Variants in UBE2E2 observed in about 807,000 individuals in gnomAD.
The protein encoded by UBE2E2 is ubiquitin-conjugating enzyme E2 E2.
Under a neutral mutation model 24.7 loss-of-function variants are expected in UBE2E2, and 6 were observed. That is an observed-to-expected ratio of 0.24 (90% CI 0.13 to 0.48). The LOEUF is 0.48. Among genes scored for constraint, UBE2E2 ranks in the 20% least tolerant of loss-of-function variants. UBE2E2 has a pLI of 0.99. For missense variants in UBE2E2, 169 were observed against 245.0 expected (o/e 0.69, Z 2.07); for synonymous variants, 104 against 83.6 (o/e 1.24, Z -1.33).
chr3:23,314,248 C>T (rs1032904908), intron 3 of UBE2E2, among the ~76,000 whole-genome samples: 3 of 152,156 alleles, frequency 2.0e-5, no homozygotes, highest in Non-Finnish European at 4.4e-5. Flanking sequence ...CCCACCTCAG[C>T]CTCCTGAGTA....
intron 3 of UBE2E2, among the ~76,000 whole-genome samples, chr3:23,393,448 G>T (rs1697000845): frequency 6.6e-6 from 1 of 152,166 alleles, no homozygotes; most frequent in South Asian, 2.1e-4. Context: ...TATCACCTGG[G>T]TGCTTGTTAG....
intron 3 of UBE2E2, among the ~76,000 whole-genome samples, chr3:23,230,460 G>T (rs972817022): frequency 1.3e-5 from 2 of 152,132 alleles, no homozygotes; most frequent in Admixed American, 6.5e-5. Context: ...AAGGAAAATT[G>T]GGAGTTCTTA....
intron 2 of UBE2E2, among the ~76,000 whole-genome samples, chr3:23,212,203 CA>C (rs1696346395): frequency 6.6e-6 from 1 of 152,026 alleles, no homozygotes; most frequent in African/African-American, 2.4e-5. Context: ...GGTATTTAAA[CA>C]GCAGTAGAAA....
In UBE2E2 at chr3:23,526,656, C is replaced by A. The variant is rs141902596; in HGVS notation, c.361-5898C>A. On this transcript the variant is annotated intron_variant, in intron 4 of 5. Coordinates refer to ENST00000396703, the MANE Select transcript of UBE2E2 (RefSeq NM_152653.4). ...CATTTCAATAGATAAACACATAACA[C>A]TTCTTAAAACTTAGGGATCAAGATT... Among the ~76,000 whole-genome samples, 697 of 152,294 alleles carry A rather than the reference C, an allele frequency of 4.6e-3. 8 individuals are homozygous for A. The highest frequency in any genetic ancestry group is 5.5e-3 in the Non-Finnish European group (371 of 68,030).
At chr3:23,219,484 G>A (rs370100716) in intron 3 of UBE2E2, among the ~76,000 whole-genome samples, 90 of 152,318 alleles carry the variant, frequency 5.9e-4, no homozygotes, top group African/African-American at 2.0e-3. Context: ...AGATTGCAGT[G>A]TTAGTTTGGC....
At chr3:23,276,070 T>A (rs908664561) in intron 3 of UBE2E2, among the ~76,000 whole-genome samples, 4 of 152,062 alleles carry the variant, frequency 2.6e-5, no homozygotes, top group Admixed American at 6.6e-5. Context: ...TTAAAAAAAA[T>A]TTCTATGTCT....
At chr3:23,390,631 T>A (rs927052364) in intron 3 of UBE2E2, among the ~76,000 whole-genome samples, 2 of 152,224 alleles carry the variant, frequency 1.3e-5, no homozygotes, top group African/African-American at 4.8e-5. Flanking sequence ...TGTCTGCAGA[T>A]GGCAGCTGCT....
At chr3:23,249,699 A>G (rs368053417) in intron 3 of UBE2E2, among the ~76,000 whole-genome samples, 1 of 151,836 alleles carries the variant, frequency 6.6e-6, no homozygotes, top group East Asian at 1.9e-4. Flanking sequence ...TCTTTCGCGC[A>G]GACTGGAGTG....
Position 23,352,475 on chromosome 3 carries a change from T to A in UBE2E2, c.227+135163T>A, listed in dbSNP as rs1427637147. On this transcript the variant is annotated intron_variant, in intron 3 of 5. Coordinates refer to ENST00000396703, the MANE Select transcript of UBE2E2 (RefSeq NM_152653.4). ...TTTTTTGAAAGGATCAACAAAATTGTTAGACCGCTAGCAAGACTAATAAAG... is the reference window on the plus strand; with the variant it reads ...TTTTTTGAAAGGATCAACAAAATTGATAGACCGCTAGCAAGACTAATAAAG... Among the ~76,000 whole-genome samples the A allele has an allele frequency of 9.3e-5, 14 of 151,072 alleles. No homozygotes were observed. In the East Asian group the frequency reaches 9.8e-4, roughly 11 times the overall value.
At chr3:23,439,975 TA>T (rs34334389) in intron 3 of UBE2E2, among the ~76,000 whole-genome samples, 291 of 141,138 alleles carry the variant, frequency 2.1e-3, no homozygotes, top group South Asian at 2.3e-3. Context: ...TTTTTTATAT[TA>T]AAAAAAAAAA....
chr3:23,328,881 C>T (rs1480631288), intron 3 of UBE2E2, among the ~76,000 whole-genome samples: 1 of 152,076 alleles, frequency 6.6e-6, no homozygotes, highest in Non-Finnish European at 1.5e-5. Context: ...AAGCTGGTCT[C>T]GAACGCCTGA....
At chr3:23,319,046 T>C (rs1226678332) in intron 3 of UBE2E2, among the ~76,000 whole-genome samples, 1 of 152,200 alleles carries the variant, frequency 6.6e-6, no homozygotes, top group Non-Finnish European at 1.5e-5. Context: ...GTATATTAAA[T>C]TGAGAGAAAC....
chr3:23,214,656 A>G (rs1445082851), intron 2 of UBE2E2, among the ~76,000 whole-genome samples: 1 of 151,826 alleles, frequency 6.6e-6, no homozygotes, highest in Non-Finnish European at 1.5e-5. Flanking sequence ...AAGTTTTTTT[A>G]TGTTAAAAAT....
At chr3:23,203,967 T>G (rs1447035040) in intron 1 of UBE2E2, among the ~76,000 whole-genome samples, 1 of 152,042 alleles carries the variant, frequency 6.6e-6, no homozygotes, top group African/African-American at 2.4e-5. Flanking sequence ...GGAGAAGACC[T>G]TGTGGGGTAT....
chr3:23,350,086 G>A (rs1048317105), intron 3 of UBE2E2, among the ~76,000 whole-genome samples: 4 of 152,180 alleles, frequency 2.6e-5, no homozygotes, highest in African/African-American at 9.7e-5. Context: ...ACAAAAATCC[G>A]CTGTTCTGCA....
intron 3 of UBE2E2, among the ~76,000 whole-genome samples, chr3:23,354,514 A>G (rs1695876176): frequency 1.3e-5 from 2 of 152,238 alleles, no homozygotes; most frequent in Non-Finnish European, 2.9e-5. Context: ...AGAATCTACA[A>G]TGAACTCCAA....
intron 3 of UBE2E2, among the ~76,000 whole-genome samples, chr3:23,334,106 ACT>A (rs1167410448): frequency 1.3e-5 from 2 of 152,090 alleles, no homozygotes; most frequent in Non-Finnish European, 2.9e-5. Flanking sequence ...TGAAATATGC[ACT>A]CTCATATCTA....
intron 3 of UBE2E2, among the ~76,000 whole-genome samples, chr3:23,225,955 C>T (rs1286629552): frequency 6.6e-6 from 1 of 152,132 alleles, no homozygotes; most frequent in Non-Finnish European, 1.5e-5. Context: ...TACCAGCCCA[C>T]TGCAACCTCC....
At chr3:23,532,413 G>GA (rs1695146165) in intron 4 of UBE2E2, 141 bp from the exon 5 acceptor site, 11 of 634,010 alleles carry the variant, frequency 1.7e-5, no homozygotes, top group African/African-American at 5.6e-5. Context: ...ATGTGCCCAA[G>GA]AAAAAAATCA....
Sources: gnomAD v4.1 joint callset for allele counts (sites outside exome capture counted in the v4.1 genomes callset) on GRCh38, gnomAD v4.1.1 for gene constraint, MANE v1.5 for transcripts, NCBI Gene and HGNC (gene_info 2026-07-23, HGNC 2026-07-21) for gene names.